The following GABRB2 variants were observed in gnomAD, a reference collection of about 807,000 sequenced individuals.
The protein encoded by GABRB2 is gamma-aminobutyric acid type A receptor subunit beta2.
In GABRB2, 16 loss-of-function variants were observed where a neutral mutation model predicts 54.7. That is an observed-to-expected ratio of 0.29 (90% CI 0.20 to 0.44). The LOEUF (loss-of-function observed/expected upper bound fraction) is 0.44, where lower values mean the gene tolerates loss of function less well. Among genes scored for constraint, GABRB2 ranks in the 20% least tolerant of loss-of-function variants. GABRB2 has a pLI of 1.00. For missense variants in GABRB2, 355 were observed against 644.0 expected (o/e 0.55, Z 4.86); for synonymous variants, 244 against 233.8 (o/e 1.04, Z -0.40).
At chr5:161,369,694 C>A (rs567018833) in intron 5 of GABRB2, among the ~76,000 whole-genome samples, 99 of 152,170 alleles carry the variant, frequency 6.5e-4, no homozygotes, top group African/African-American at 2.3e-3. Flanking sequence ...CCAAACTTCA[C>A]ATGGAATTTT....
intron 4 of GABRB2, chr5:161,459,211 C>G (rs1282045000): frequency 5.1e-6 from 1 of 196,498 alleles, no homozygotes; most frequent in African/African-American, 2.4e-5. Flanking sequence ...TCACAATAAG[C>G]TTTCTCATCA....
At chr5:161,326,297 T>G in intron 9 of GABRB2, 71 bp downstream of exon 9, 1 of 1,590,856 alleles carries the variant, frequency 6.3e-7, no homozygotes. Flanking sequence ...CACACATTTT[T>G]TAAGGGAACA....
intron 5 of GABRB2, among the ~76,000 whole-genome samples, chr5:161,397,448 A>C (rs1039426056): frequency 9.9e-5 from 15 of 152,200 alleles, no homozygotes; most frequent in Admixed American, 4.6e-4. Context: ...TCAATAAATA[A>C]CCATAATAAA....
intron 5 of GABRB2, among the ~76,000 whole-genome samples, chr5:161,398,569 T>C (rs1756076016): frequency 6.6e-6 from 1 of 152,134 alleles, no homozygotes; most frequent in African/African-American, 2.4e-5. Context: ...ACCATCAGCA[T>C]GTGCCACTAA....
intron 4 of GABRB2, among the ~76,000 whole-genome samples, chr5:161,431,330 A>G (rs930524165): frequency 2.0e-5 from 3 of 152,174 alleles, no homozygotes; most frequent in South Asian, 4.1e-4. Flanking sequence ...GAGTGAGGTC[A>G]GGGGAAGCAT....
At chr5:161,413,700 A>G (rs560036547) in intron 4 of GABRB2, among the ~76,000 whole-genome samples, 2 of 152,252 alleles carry the variant, frequency 1.3e-5, no homozygotes, top group Non-Finnish European at 2.9e-5. Context: ...TTTATGTAAA[A>G]TGGCAGAAAT....
upstream of GABRB2, chr5:161,546,866 T>G: frequency 1.1e-6 from 1 of 938,098 alleles, no homozygotes; most frequent in South Asian, 2.4e-5. Context: ...TACATACATA[T>G]TTGAATAATA....
chr5:161,345,939 C>A (rs1311448941), intron 5 of GABRB2, among the ~76,000 whole-genome samples: 1 of 152,096 alleles, frequency 6.6e-6, no homozygotes, highest in Non-Finnish European at 1.5e-5. Context: ...TTACTTGTGG[C>A]TCCTCAGATC....
intron 5 of GABRB2, among the ~76,000 whole-genome samples, chr5:161,362,440 T>C (rs1485165221): frequency 6.6e-6 from 1 of 152,154 alleles, no homozygotes; most frequent in Non-Finnish European, 1.5e-5. Flanking sequence ...TTTTTGTTCC[T>C]CTCTTATTTC....
chr5:161,508,498 C>T (rs1316073385), intron 3 of GABRB2, among the ~76,000 whole-genome samples: 2 of 151,774 alleles, frequency 1.3e-5, no homozygotes, highest in Non-Finnish European at 2.9e-5. Context: ...ACTACACTCT[C>T]ATGCCAAAAC....
chr5:161,491,894 A>G (rs1169130350), intron 3 of GABRB2, among the ~76,000 whole-genome samples: 2 of 151,732 alleles, frequency 1.3e-5, no homozygotes, highest in Non-Finnish European at 3.0e-5. Flanking sequence ...GAGTAACAAG[A>G]GGCAGTGACA....
intron 3 of GABRB2, among the ~76,000 whole-genome samples, chr5:161,499,099 T>G (rs941605350): frequency 6.6e-6 from 1 of 152,120 alleles, no homozygotes; most frequent in Non-Finnish European, 1.5e-5. Context: ...ACAGCCTCCA[T>G]ACTAGCATTG....
chr5:161,371,628 AT>A (rs1361897867), intron 5 of GABRB2, among the ~76,000 whole-genome samples: 1 of 152,220 alleles, frequency 6.6e-6, no homozygotes, highest in Non-Finnish European at 1.5e-5. Flanking sequence ...TAAATTTTAA[AT>A]TTAATGCTAA....
chr5:161,331,628 G>A (rs1580985367), intron 7 of GABRB2, among the ~76,000 whole-genome samples: 1 of 152,050 alleles, frequency 6.6e-6, no homozygotes, highest in African/African-American at 2.4e-5. Flanking sequence ...TTGGGGGAGA[G>A]TACACAGTCC....
In GABRB2 at chr5:161,290,361, C is replaced by G. The variant is rs972105680; in HGVS notation, c.*3720G>C. On this transcript the variant is annotated 3_prime_UTR_variant, in exon 10 of 10. Transcript: ENST00000393959. ...TTATTTGTTTCCTTGAAAAAGAGAGCAATTAGACAAGCAATGTGACAACTA... is the reference window on the plus strand; with the variant it reads ...TTATTTGTTTCCTTGAAAAAGAGAGGAATTAGACAAGCAATGTGACAACTA... The G allele has an allele frequency of 1.3e-5, 2 of 152,248 alleles. No individual in the cohort carries two copies. Among genetic ancestry groups the G allele is most frequent in the Non-Finnish European group, 2.9e-5 (2 of 67,968 alleles). The allele number at this position is 152,248 out of a possible 1,614,324, so 9.4% of individuals were successfully genotyped here. A position where few individuals can be genotyped will look rare whatever the true frequency, so the allele number is the denominator to read the frequency against.
chr5:161,322,107 T>C (rs1758227750), intron 9 of GABRB2, among the ~76,000 whole-genome samples: 1 of 152,208 alleles, frequency 6.6e-6, no homozygotes, highest in African/African-American at 2.4e-5. Context: ...AAGTTAATCA[T>C]GTTCTCCAGG....
At chr5:161,544,956 A>AG (rs1375105043) in intron 3 of GABRB2, among the ~76,000 whole-genome samples, 2 of 152,106 alleles carry the variant, frequency 1.3e-5, no homozygotes, top group African/African-American at 4.8e-5. Context: ...AGGCTTCTGT[A>AG]GGGGGTCTCC....
At chr5:161,303,911 A>G (rs1446881395) in intron 9 of GABRB2, among the ~76,000 whole-genome samples, 1 of 152,194 alleles carries the variant, frequency 6.6e-6, no homozygotes, top group Non-Finnish European at 1.5e-5. Flanking sequence ...TCCTCTAACT[A>G]TAAGTTCAAC....
At chr5:161,300,765 G>A (rs1173727871) in intron 9 of GABRB2, among the ~76,000 whole-genome samples, 1 of 152,176 alleles carries the variant, frequency 6.6e-6, no homozygotes. Context: ...GGTGATGCTG[G>A]GATGCTGGCT....
Sources: allele counts gnomAD v4.1 joint callset (sites outside exome capture counted in the v4.1 genomes callset), GRCh38; gene constraint gnomAD v4.1.1; transcripts MANE v1.5; gene names NCBI Gene and HGNC (gene_info 2026-07-23, HGNC 2026-07-21).